The following HPSE2 variants were observed in gnomAD, a reference collection of about 807,000 sequenced individuals.
HPSE2 encodes heparanase 2 (inactive).
HPSE2 carries 38 observed loss-of-function variants against 60.5 expected under a neutral mutation model. That is an observed-to-expected ratio of 0.63 (90% CI 0.48 to 0.82). The LOEUF is 0.82. Among genes scored for constraint, HPSE2 ranks in the 40% least tolerant of loss-of-function variants. The probability of loss-of-function intolerance (pLI) is 0.00; values close to 1 mark genes in which losing one functional copy is unlikely to be tolerated. For synonymous variants in HPSE2, 295 were observed against 293.2 expected (o/e 1.01, Z -0.06); for missense variants, 713 against 740.4 (o/e 0.96, Z 0.43).
chr10:99,009,111 A>G (rs961577706), intron 3 of HPSE2, among the ~76,000 whole-genome samples: 2 of 151,998 alleles, frequency 1.3e-5, no homozygotes, highest in Non-Finnish European at 2.9e-5. Context: ...GAAGGCTATT[A>G]AAAGAGAACT....
At chr10:99,013,377 C>A in intron 3 of HPSE2, 1 of 580,772 alleles carries the variant, frequency 1.7e-6, no homozygotes, top group Non-Finnish European at 3.3e-6. Flanking sequence ...AGCAACTATA[C>A]AGACTCTGTG....
In HPSE2 at chr10:98,634,279, C is replaced by T. The variant is rs565172008; in HGVS notation, c.1098+7568G>A. ...ATCCTTCCCTCCAACATGTATTGAG[C>T]ACCTGCTATGTGATAGGCACTGGGA... On this transcript the variant is annotated intron_variant, in intron 7 of 11. Transcript: ENST00000370552. Among the ~76,000 whole-genome samples the T allele has an allele frequency of 5.4e-4, 83 of 152,334 alleles. 1 individual carries two copies. Among genetic ancestry groups the T allele is most frequent in the Admixed American group, 1.2e-3 (18 of 15,304 alleles).
the HPSE2 span, among the ~76,000 whole-genome samples, chr10:99,274,224 G>A: frequency 6.6e-6 from 1 of 152,118 alleles, no homozygotes; most frequent in African/African-American, 2.4e-5. Flanking sequence ...GCCTGCGCCT[G>A]TAATCCCAGC....
At chr10:98,990,071 T>C (rs569363394) in intron 3 of HPSE2, among the ~76,000 whole-genome samples, 1 of 152,236 alleles carries the variant, frequency 6.6e-6, no homozygotes, top group East Asian at 1.9e-4. Context: ...CATGTGGAGA[T>C]TAAAACAAGT....
chr10:98,933,800 C>G (rs559648071), intron 3 of HPSE2, among the ~76,000 whole-genome samples: 1 of 138,310 alleles, frequency 7.2e-6, no homozygotes, highest in Non-Finnish European at 1.5e-5. Context: ...AGTGTGATCT[C>G]GGCTCACTGC....
At chr10:98,495,220 C>A (rs116679821) in intron 9 of HPSE2, among the ~76,000 whole-genome samples, 226 of 151,748 alleles carry the variant, frequency 1.5e-3, no homozygotes, top group African/African-American at 5.0e-3. Context: ...TCACTGCCTT[C>A]TGGCCTTCAA....
the HPSE2 span, among the ~76,000 whole-genome samples, chr10:99,296,882 A>C: frequency 6.6e-6 from 1 of 152,164 alleles, no homozygotes; most frequent in Non-Finnish European, 1.5e-5. Context: ...GGTCAGCAGG[A>C]AAGTAATCAT....
intron 3 of HPSE2, among the ~76,000 whole-genome samples, chr10:98,969,396 A>C (rs984709557): frequency 6.6e-6 from 1 of 152,208 alleles, no homozygotes; most frequent in Admixed American, 6.5e-5. Flanking sequence ...TAGATCAGAT[A>C]GTTAATAGTT....
intron 5 of HPSE2, among the ~76,000 whole-genome samples, chr10:98,694,375 C>T (rs1948156938): frequency 6.6e-6 from 1 of 152,210 alleles, no homozygotes; most frequent in Non-Finnish European, 1.5e-5. Context: ...AAACTTCAGG[C>T]TTTCCTAGAG....
At chr10:98,906,663 T>G (rs936726116) in intron 3 of HPSE2, among the ~76,000 whole-genome samples, 1 of 152,140 alleles carries the variant, frequency 6.6e-6, no homozygotes, top group African/African-American at 2.4e-5. Flanking sequence ...CCCAGCATTT[T>G]GGGAGGCTGA....
chr10:98,546,182 T>C (rs1943666846), intron 9 of HPSE2, among the ~76,000 whole-genome samples: 1 of 138,364 alleles, frequency 7.2e-6, no homozygotes, highest in African/African-American at 2.5e-5. Flanking sequence ...GAACATTCCA[T>C]GCTCATGGGT....
the HPSE2 span, among the ~76,000 whole-genome samples, chr10:99,292,185 CAG>C: frequency 5.3e-5 from 8 of 152,102 alleles, no homozygotes; most frequent in African/African-American, 1.7e-4. Flanking sequence ...AGCAAGTAGC[CAG>C]ACACATCACA....
chr10:98,744,089 C>T (rs1246751076), intron 3 of HPSE2, 33 bp from the exon 4 acceptor site: 1 of 1,599,480 alleles, frequency 6.3e-7, no homozygotes, highest in East Asian at 2.2e-5. Context: ...TTGTAACTTT[C>T]AAATCAACAT....
chr10:98,535,771 T>A (rs1943264176), intron 9 of HPSE2, among the ~76,000 whole-genome samples: 1 of 152,152 alleles, frequency 6.6e-6, no homozygotes. Context: ...TTTCAACTGT[T>A]AGGGACAGTT....
chr10:99,307,268 C>A, the HPSE2 span, among the ~76,000 whole-genome samples: 1 of 152,154 alleles, frequency 6.6e-6, no homozygotes. Flanking sequence ...GGCCCTGGGT[C>A]ATATGTCTCG....
rs115707616 is a variant in HPSE2 at position 98,697,139 on chromosome 10, G to A, written c.957-3192C>T. ...CCTCTCCAGCAAGGGCACAGAACTG[G>A]ACAGAGGATGCGATGGATGAATTGA... On this transcript the variant is annotated intron_variant, in intron 5 of 11. Coordinates refer to ENST00000370552, the MANE Select transcript of HPSE2 (RefSeq NM_021828.5). Among the ~76,000 whole-genome samples, 914 of 152,260 alleles carry A rather than the reference G, an allele frequency of 6.0e-3. 12 individuals are homozygous for A. The highest frequency in any genetic ancestry group is 0.021 in the African/African-American group (865 of 41,538).
At chr10:98,967,527 T>C (rs531140752) in intron 3 of HPSE2, among the ~76,000 whole-genome samples, 2 of 152,140 alleles carry the variant, frequency 1.3e-5, no homozygotes, top group Non-Finnish European at 2.9e-5. Flanking sequence ...TTTTATTTGG[T>C]TTCTCGATTG....
intron 3 of HPSE2, among the ~76,000 whole-genome samples, chr10:99,052,946 T>C (rs1036808889): frequency 6.6e-6 from 1 of 151,794 alleles, no homozygotes; most frequent in African/African-American, 2.4e-5. Flanking sequence ...CAGATGGAAA[T>C]TCAAACATAT....
chr10:99,131,835 G>C (rs1253577067), intron 3 of HPSE2, among the ~76,000 whole-genome samples: 2 of 151,970 alleles, frequency 1.3e-5, no homozygotes, highest in African/African-American at 4.8e-5. Context: ...CTAAAGGCCG[G>C]GTACAGTGGC....
Sources: gnomAD v4.1 joint callset for allele counts (sites outside exome capture counted in the v4.1 genomes callset) on GRCh38, gnomAD v4.1.1 for gene constraint, MANE v1.5 for transcripts, NCBI Gene and HGNC (gene_info 2026-07-23, HGNC 2026-07-21) for gene names.